Variants in SBF2 observed in about 807,000 individuals in gnomAD.
SBF2 encodes the protein SET binding factor 2, also known as myotubularin-related protein 13.
SBF2 carries 112 observed loss-of-function variants against 225.2 expected under a neutral mutation model. The observed-to-expected ratio is 0.50, with a 90% CI of 0.43 to 0.58. The LOEUF (loss-of-function observed/expected upper bound fraction) is 0.58. SBF2 is among the 20% of genes least tolerant of loss of function. The pLI is 0.00. For missense variants in SBF2, 1,996 were observed against 2,206.2 expected, an observed-to-expected ratio of 0.90 and a Z score of 1.91; for synonymous variants, 763 against 773.3, an observed-to-expected ratio of 0.99 and a Z score of 0.22.
At chr11:10,199,318 G>A (rs1275224584) in intron 1 of SBF2, among the ~76,000 whole-genome samples, 2 of 151,928 alleles carry the variant, frequency 1.3e-5, no homozygotes, top group Non-Finnish European at 2.9e-5. Flanking sequence ...GTAGTCTGTG[G>A]CATGCCAAAA....
intron 17 of SBF2, among the ~76,000 whole-genome samples, chr11:9,879,028 G>C (rs2134075982): frequency 6.6e-6 from 1 of 152,296 alleles, no homozygotes; most frequent in South Asian, 2.1e-4. Flanking sequence ...TTTGACTTAG[G>C]TACAAAATGT....
At chr11:10,068,886 T>TGCC (rs1950737498) in intron 2 of SBF2, among the ~76,000 whole-genome samples, 1 of 152,196 alleles carries the variant, frequency 6.6e-6, no homozygotes, top group Admixed American at 6.5e-5. Context: ...ATATTTTTAT[T>TGCC]GCCGAAAGCC....
At chr11:9,893,728 G>A (rs1469377614) in intron 17 of SBF2, among the ~76,000 whole-genome samples, 1 of 152,110 alleles carries the variant, frequency 6.6e-6, no homozygotes, top group Non-Finnish European at 1.5e-5. Flanking sequence ...GCCAGTTCTG[G>A]TCTCTTGAAA....
At chr11:9,982,406 T>G (rs1419056318) in intron 13 of SBF2, among the ~76,000 whole-genome samples, 1 of 152,154 alleles carries the variant, frequency 6.6e-6, no homozygotes, top group Non-Finnish European at 1.5e-5. Context: ...GACAGGAAAA[T>G]TACTTTGAAA....
intron 2 of SBF2, among the ~76,000 whole-genome samples, chr11:10,065,869 C>T (rs918082978): frequency 1.3e-5 from 2 of 152,060 alleles, no homozygotes; most frequent in African/African-American, 4.8e-5. Context: ...AATCCTTGAA[C>T]CCAGGGGGTG....
At chr11:10,196,392 A>AT (rs970120740) in intron 1 of SBF2, among the ~76,000 whole-genome samples, 9 of 152,100 alleles carry the variant, frequency 5.9e-5, no homozygotes, top group African/African-American at 2.2e-4. Flanking sequence ...CATATTAATT[A>AT]TTTTTTGGAC....
At chr11:10,160,702 G>T (rs1200272177) in intron 2 of SBF2, among the ~76,000 whole-genome samples, 1 of 152,106 alleles carries the variant, frequency 6.6e-6, no homozygotes, top group East Asian at 1.9e-4. Context: ...ATGATATTCT[G>T]AAAGAACTCT....
At chr11:10,197,231 A>T (rs1259687296) in intron 1 of SBF2, among the ~76,000 whole-genome samples, 1 of 152,150 alleles carries the variant, frequency 6.6e-6, no homozygotes, top group Admixed American at 6.5e-5. Context: ...GCACTTTGAT[A>T]GATAGATTGA....
intron 16 of SBF2, among the ~76,000 whole-genome samples, chr11:9,938,753 C>T (rs926355404): frequency 1.3e-4 from 19 of 151,566 alleles, no homozygotes; most frequent in Non-Finnish European, 2.2e-4. Flanking sequence ...ATTCCAGCTG[C>T]AATAAGAATC....
At chr11:9,809,387 C>G (rs1854041570) in intron 30 of SBF2, 1 of 179,162 alleles carries the variant, frequency 5.6e-6, no homozygotes, top group Non-Finnish European at 1.2e-5. Context: ...AATAAAATTA[C>G]CTTACATGAT....
intron 32 of SBF2, among the ~76,000 whole-genome samples, chr11:9,799,271 T>C (rs891975972): frequency 1.3e-5 from 2 of 152,190 alleles, no homozygotes; most frequent in Non-Finnish European, 1.5e-5. Context: ...CCACAAGCCC[T>C]CTACAGTTAT....
intron 2 of SBF2, among the ~76,000 whole-genome samples, chr11:10,178,168 C>T (rs1956555719): frequency 6.8e-6 from 1 of 147,104 alleles, no homozygotes; most frequent in South Asian, 2.1e-4. Context: ...GGATCCCTTC[C>T]TTACACCTTA....
intron 6 of SBF2, among the ~76,000 whole-genome samples, chr11:10,008,766 G>A (rs1948309753): frequency 1.3e-5 from 2 of 152,314 alleles, no homozygotes; most frequent in South Asian, 2.1e-4. Context: ...GCTGAGGGGG[G>A]CCTACAGTCC....
rs1361692475 is a variant in SBF2 at position 9,820,058 on chromosome 11, A to AT, written c.3794-3035dup. On this transcript the variant is annotated intron_variant, in intron 28 of 39. Coordinates refer to ENST00000256190, the MANE Select transcript of SBF2 (RefSeq NM_030962.4). ...AATAGTTTTGTAATTTGAGTAATATATTTTTTTCCAACAGAAAGGGGTTTA... is the reference window on the plus strand; with the variant it reads ...AATAGTTTTGTAATTTGAGTAATATATTTTTTTTCCAACAGAAAGGGGTTTA... Among the ~76,000 whole-genome samples the AT allele has an allele frequency of 3.3e-5, 5 of 152,220 alleles. No individual in the cohort carries two copies. In the South Asian group the frequency reaches 6.2e-4, roughly 19 times the overall value.
intron 6 of SBF2, among the ~76,000 whole-genome samples, chr11:10,005,013 C>A (rs1948134134): frequency 6.6e-6 from 1 of 152,140 alleles, no homozygotes; most frequent in Non-Finnish European, 1.5e-5. Flanking sequence ...ACCCCCATGC[C>A]ACCACCAGGA....
Position 9,826,858 on chromosome 11 carries a change from T to C in SBF2, c.3793+2498A>G, listed in dbSNP as rs115955062. Among the ~76,000 whole-genome samples, 1,321 of 152,038 alleles carry C rather than the reference T, an allele frequency of 8.7e-3. 18 individuals are homozygous for C. The highest frequency in any genetic ancestry group is 0.03 in the African/African-American group (1,248 of 41,448). On this transcript the variant is annotated intron_variant, in intron 28 of 39. Transcript: ENST00000256190. ...GGAGTGATCTCGGCTCATTTTGCTC[T>C]TGTTGCCCAGCAATGGTGCGATCTT...
chr11:9,910,914 C>T (rs1246250813), intron 16 of SBF2, among the ~76,000 whole-genome samples: 1 of 128,194 alleles, frequency 7.8e-6, no homozygotes, highest in Non-Finnish European at 1.6e-5. Context: ...AAAAAATTAG[C>T]TGGGCATGGT....
At chr11:10,164,066 T>C (rs1227198831) in intron 2 of SBF2, among the ~76,000 whole-genome samples, 2 of 152,200 alleles carry the variant, frequency 1.3e-5, no homozygotes, top group Non-Finnish European at 2.9e-5. Flanking sequence ...GAGATAACTT[T>C]TGGTGCCTCA....
chr11:9,967,921 C>CTGTT (rs1565072520), intron 14 of SBF2, among the ~76,000 whole-genome samples: 1 of 118,832 alleles, frequency 8.4e-6, no homozygotes, highest in Non-Finnish European at 1.8e-5. Context: ...ATCTGTCTGT[C>CTGTT]TGTCTGTCTG....
Sources: gnomAD v4.1 joint callset for allele counts (sites outside exome capture counted in the v4.1 genomes callset) on GRCh38, gnomAD v4.1.1 for gene constraint, MANE v1.5 for transcripts, NCBI Gene and HGNC (gene_info 2026-07-23, HGNC 2026-07-21) for gene names.